The following CPD variants were observed in gnomAD, a reference collection of about 807,000 sequenced individuals.
The protein encoded by CPD is metallocarboxypeptidase D.
CPD carries 69 observed loss-of-function variants against 138.3 expected under a neutral mutation model. The observed-to-expected ratio is 0.50, with a 90% CI of 0.41 to 0.61. The LOEUF is 0.61. Among genes scored for constraint, CPD ranks in the 20% least tolerant of loss-of-function variants. The pLI is 0.00. For missense variants in CPD, 1,432 were observed against 1,733.3 expected, an observed-to-expected ratio of 0.83 and a Z score of 3.09; for synonymous variants, 651 against 642.1, an observed-to-expected ratio of 1.01 and a Z score of -0.21.
Position 30,379,670 on chromosome 17 carries a change from C to G in CPD, c.690C>G (p.Pro230=), listed in dbSNP as rs746767215. 1.3e-6 allele frequency: 2 copies of G among 1,523,128 alleles called. No homozygotes were observed. Among genetic ancestry groups the G allele is most frequent in the Non-Finnish European group, 1.7e-6 (2 of 1,152,330 alleles). 94.4% of individuals were successfully genotyped at this position (1,523,128 alleles called of 1,614,324 possible). A position where few individuals can be genotyped will look rare whatever the true frequency, so the allele number is the denominator to read the frequency against. Residue 230 remains proline, a synonymous_variant, in exon 1 of 21, where the codon CCC becomes CCG. Coordinates refer to ENST00000225719, the MANE Select transcript of CPD (RefSeq NM_001304.5). This position sits in a 1 kb window ranked among gnomAD's most constrained non-coding sequence, Gnocchi z 7.0. ...ACCAGTTTAGCACCGGCGAACCCCC[C>G]GCCCTGGACGAGGTGCCCGAGGTGC... The part of the protein sequence containing the change: ...FPDQFSTGEP[P]ALDEVPEVRA...
intron 6 of CPD, among the ~76,000 whole-genome samples, chr17:30,426,757 C>T (rs1912421257): frequency 6.6e-6 from 1 of 152,176 alleles, no homozygotes; most frequent in African/African-American, 2.4e-5. Context: ...ATTAGTTTTA[C>T]AAAGGTGGTT....
intron 10 of CPD, 112 bp from the exon 11 acceptor site, chr17:30,443,690 C>T: frequency 1.9e-6 from 2 of 1,069,462 alleles, no homozygotes. Flanking sequence ...TCCTAAATTC[C>T]TGTTTGTTCC....
intron 2 of CPD, among the ~76,000 whole-genome samples, chr17:30,388,035 C>T (rs1365635534): frequency 6.6e-6 from 1 of 152,182 alleles, no homozygotes; most frequent in East Asian, 1.9e-4. Flanking sequence ...GAGTGGGTGG[C>T]CCCTCTCTAC....
intron 5 of CPD, among the ~76,000 whole-genome samples, chr17:30,423,301 AT>A (rs1303543322): frequency 7.2e-5 from 11 of 152,336 alleles, no homozygotes; most frequent in African/African-American, 2.6e-4. Flanking sequence ...TATATAGCAT[AT>A]ATATGCTTTG....
At chr17:30,382,334 ATATATT>A (rs570353102) in intron 1 of CPD, among the ~76,000 whole-genome samples, 200 of 152,318 alleles carry the variant, frequency 1.3e-3, no homozygotes, top group Middle Eastern at 0.01. Flanking sequence ...AATATCTCTA[ATATATT>A]TACCAGCTAC....
chr17:30,459,339 A>G (rs1363859448), intron 17 of CPD, among the ~76,000 whole-genome samples: 1 of 151,846 alleles, frequency 6.6e-6, no homozygotes, highest in African/African-American at 2.4e-5. Context: ...TCAACTCATC[A>G]TTTAACATTA....
intron 8 of CPD, among the ~76,000 whole-genome samples, chr17:30,437,295 A>G (rs1166984174): frequency 6.6e-6 from 1 of 152,172 alleles, no homozygotes; most frequent in Non-Finnish European, 1.5e-5. Flanking sequence ...AATGTGAATT[A>G]TATCTCAATA....
chr17:30,378,941 G>T lies in CPD; in HGVS notation c.-40G>T. ...GGGCCCCCGCCGCCCGGAGCGCTGA[G>T]CCGCGGGAGCGGAGCCGGGGTTAGC... On this transcript the variant is annotated 5_prime_UTR_variant, in exon 1 of 21. Transcript: ENST00000225719. 1 of 1,418,584 alleles carries T rather than the reference G, an allele frequency of 7.0e-7. No homozygotes were observed. The highest frequency in any genetic ancestry group is 9.1e-7 in the Non-Finnish European group (1 of 1,100,210). 87.9% of individuals were successfully genotyped at this position (1,418,584 alleles called of 1,614,324 possible).
intron 17 of CPD, among the ~76,000 whole-genome samples, chr17:30,458,542 C>T (rs1913361956): frequency 6.6e-6 from 1 of 150,496 alleles, no homozygotes; most frequent in African/African-American, 2.4e-5. Flanking sequence ...CACCTCCCTG[C>T]TCCCTGCCGC....
chr17:30,442,088 C>A (rs1202342491), intron 9 of CPD, among the ~76,000 whole-genome samples: 1 of 151,942 alleles, frequency 6.6e-6, no homozygotes, highest in Non-Finnish European at 1.5e-5. Flanking sequence ...ACAATTTCAG[C>A]TCCTGTTATT....
intron 2 of CPD, among the ~76,000 whole-genome samples, chr17:30,399,486 A>T (rs1257569933): frequency 5.9e-5 from 9 of 152,142 alleles, no homozygotes; most frequent in Admixed American, 5.9e-4. Context: ...TATATTTCAA[A>T]ATTCTGATTG....
chr17:30,427,652 A>G, intron 7 of CPD, 94 bp downstream of exon 7: 4 of 1,114,898 alleles, frequency 3.6e-6, no homozygotes, highest in Non-Finnish European at 5.3e-6. Flanking sequence ...ATGCTTTCTT[A>G]AAATGAGTAT....
chr17:30,435,356 G>A (rs1404596416), intron 8 of CPD, among the ~76,000 whole-genome samples: 3 of 151,268 alleles, frequency 2.0e-5, no homozygotes, highest in Non-Finnish European at 4.4e-5. Flanking sequence ...TTCTTATGTT[G>A]ATGGTCAGTT....
intron 2 of CPD, among the ~76,000 whole-genome samples, chr17:30,413,221 G>A (rs1912013769): frequency 6.6e-6 from 1 of 152,172 alleles, no homozygotes; most frequent in South Asian, 2.1e-4. Context: ...GACAATGAAT[G>A]CACGTGTGTT....
chr17:30,412,503 G>A (rs764258862), intron 2 of CPD, among the ~76,000 whole-genome samples: 1 of 152,198 alleles, frequency 6.6e-6, no homozygotes, highest in East Asian at 1.9e-4. Flanking sequence ...TATAGAGGCA[G>A]TAGGCCTTGC....
chr17:30,462,345 T>C, intron 19 of CPD, 25 bp from the exon 20 acceptor site: 1 of 1,586,386 alleles, frequency 6.3e-7, no homozygotes, highest in Non-Finnish European at 8.7e-7. Flanking sequence ...GAATTTGTCA[T>C]GATTCTTACA....
intron 2 of CPD, among the ~76,000 whole-genome samples, chr17:30,401,199 G>C (rs1029226671): frequency 6.6e-6 from 1 of 150,952 alleles, no homozygotes; most frequent in African/African-American, 2.4e-5. Context: ...TTTTATTGCT[G>C]CTGCTGCTGC....
intron 8 of CPD, among the ~76,000 whole-genome samples, chr17:30,436,758 C>G (rs1396620696): frequency 6.6e-6 from 1 of 152,204 alleles, no homozygotes; most frequent in Non-Finnish European, 1.5e-5. Context: ...CAGCATTCCA[C>G]TGCTAGGTAT....
chr17:30,443,789 G>C lies in CPD; in HGVS notation c.2374-13G>C, dbSNP rs367896921. 1.2e-6 allele frequency: 2 copies of C among 1,600,230 alleles called. No individual in the cohort carries two copies. Among genetic ancestry groups the C allele is most frequent in the Non-Finnish European group, 1.7e-6 (2 of 1,170,636 alleles). ...TTTATTATTGAAATCTGGTGTCCTT[G>C]TACTTAATCCAGGTTCATCAGGGCG... On this transcript the variant is annotated splice_polypyrimidine_tract_variant and intron_variant, in intron 10 of 20. Coordinates refer to ENST00000225719, the MANE Select transcript of CPD (RefSeq NM_001304.5).
Sources: gnomAD v4.1 joint callset for allele counts (sites outside exome capture counted in the v4.1 genomes callset) on GRCh38, gnomAD v4.1.1 for gene constraint, Gnocchi (gnomAD v3.1) non-coding constraint, MANE v1.5 for transcripts, NCBI Gene and HGNC (gene_info 2026-07-23, HGNC 2026-07-21) for gene names.